RBM20: variants seen among roughly 807,000 people sequenced by gnomAD.
The protein encoded by RBM20 is RNA-binding protein 20.
Under a neutral mutation model 110.1 loss-of-function variants are expected in RBM20, and 51 were observed. The ratio of observed to expected loss-of-function variants is 0.46; its 90% confidence interval spans 0.37 to 0.59. The LOEUF (loss-of-function observed/expected upper bound fraction) is 0.59. Among genes scored for constraint, RBM20 ranks in the 20% least tolerant of loss-of-function variants. The pLI, the probability that RBM20 is intolerant of heterozygous loss-of-function variation, is 0.00. For missense variants in RBM20, 1,512 were observed against 1,574.9 expected (o/e 0.96, Z 0.68); for synonymous variants, 589 against 618.2 (o/e 0.95, Z 0.70).
chr10:110,663,997 A>G (rs1268167808), intron 1 of RBM20, among the ~76,000 whole-genome samples: 1 of 152,228 alleles, frequency 6.6e-6, no homozygotes, highest in Non-Finnish European at 1.5e-5. Context: ...TACCATCAAG[A>G]TATTAAATGA....
Position 110,821,596 on chromosome 10 carries a change from A to G in RBM20, c.2977A>G (p.Ser993Gly). Reference sequence around the variant, plus strand: ...GCCCTCTGCTTCCACAAGCTGTCCCAGTGACATGGACGTGGAAATGCCTGG... The same window carrying G: ...GCCCTCTGCTTCCACAAGCTGTCCCGGTGACATGGACGTGGAAATGCCTGG... ...ELPSASTSCPSDMDVEMPGLN... is the reference protein window; with the variant it reads ...ELPSASTSCPGDMDVEMPGLN... The change falls in exon 11 of 14, where the codon AGT becomes GGT. Residue 993 changes from serine (S) to glycine (G), a missense_variant. Physicochemically the swap from Ser to Gly is moderately conservative, Grantham distance 56 (BLOSUM62 0). This residue lies in a region of RBM20 where 358 missense variants were observed against 384.2 expected (regional missense o/e 0.93). Transcript: ENST00000369519. The G allele has an allele frequency of 6.4e-7, 1 of 1,551,254 alleles. No homozygotes were observed. Among genetic ancestry groups the G allele is most frequent in the Non-Finnish European group, 8.7e-7 (1 of 1,146,424 alleles).
At chr10:110,664,554 C>CT (rs1216700974) in intron 1 of RBM20, among the ~76,000 whole-genome samples, 1 of 152,038 alleles carries the variant, frequency 6.6e-6, no homozygotes, top group Non-Finnish European at 1.5e-5. Context: ...TGAGACCAGC[C>CT]TGACCAACGT....
chr10:110,716,719 C>G (rs1212153300), intron 1 of RBM20, among the ~76,000 whole-genome samples: 1 of 151,918 alleles, frequency 6.6e-6, no homozygotes, highest in Admixed American at 6.6e-5. Context: ...CAAGATCATC[C>G]TGGCTAACAA....
intron 1 of RBM20, among the ~76,000 whole-genome samples, chr10:110,678,570 G>A (rs1862376155): frequency 6.6e-6 from 1 of 152,308 alleles, no homozygotes; most frequent in Admixed American, 6.5e-5. Context: ...TCTTGAGTGT[G>A]CAAGGCCGGG....
At chr10:110,775,832 A>G (rs1844255574) in intron 1 of RBM20, among the ~76,000 whole-genome samples, 1 of 152,200 alleles carries the variant, frequency 6.6e-6, no homozygotes, top group Admixed American at 6.5e-5. Flanking sequence ...AAGGAAATGC[A>G]TTGCTTCATG....
chr10:110,774,057 C>T (rs1844229733), intron 1 of RBM20, among the ~76,000 whole-genome samples: 1 of 152,158 alleles, frequency 6.6e-6, no homozygotes, highest in Admixed American at 6.5e-5. Context: ...AGTTTAAAAA[C>T]CCTCCTTCAA....
At chr10:110,671,682 C>A (rs1474452709) in intron 1 of RBM20, among the ~76,000 whole-genome samples, 1 of 151,960 alleles carries the variant, frequency 6.6e-6, no homozygotes, top group Non-Finnish European at 1.5e-5. Context: ...ACCTCTCCAG[C>A]TCAAGATTTT....
Position 110,835,986 on chromosome 10 carries a change from G to C in RBM20, c.*8G>C. 9.9e-7 allele frequency: 1 copy of C among 1,009,032 alleles called. No homozygotes were observed. The highest frequency in any genetic ancestry group is 1.5e-6 in the Non-Finnish European group (1 of 668,406). 62.5% of individuals were successfully genotyped at this position (1,009,032 alleles called of 1,614,324 possible). Reference sequence around the variant, plus strand: ...GAAAGGAAAAAGCTCTGATGCTTCTGCTTCTGCTGCTACTGCTGCTGCTGC... The same window carrying C: ...GAAAGGAAAAAGCTCTGATGCTTCTCCTTCTGCTGCTACTGCTGCTGCTGC... On this transcript the variant is annotated 3_prime_UTR_variant, in exon 14 of 14. Transcript: ENST00000369519.
chr10:110,649,545 C>T (rs1003990069), intron 1 of RBM20, among the ~76,000 whole-genome samples: 4 of 152,154 alleles, frequency 2.6e-5, no homozygotes, highest in African/African-American at 9.7e-5. Context: ...GTCCTGGTCT[C>T]CCTGCCAGAC....
intron 7 of RBM20, among the ~76,000 whole-genome samples, chr10:110,809,190 C>G (rs1019748375): frequency 2.0e-5 from 2 of 99,550 alleles, no homozygotes; most frequent in Non-Finnish European, 4.1e-5. Flanking sequence ...GCATTCCAGC[C>G]TGAGTGACAG....
intron 1 of RBM20, among the ~76,000 whole-genome samples, chr10:110,745,902 G>A (rs1318318429): frequency 2.0e-5 from 3 of 152,178 alleles, no homozygotes; most frequent in African/African-American, 7.2e-5. Flanking sequence ...TAAACCTTAA[G>A]CTTGTCCACA....
In RBM20 at chr10:110,812,785, C is replaced by G. The variant is rs1057522796; in HGVS notation, c.2388C>G (p.Pro796=). The G allele has an allele frequency of 2.2e-5, 34 of 1,551,444 alleles. No individual in the cohort carries two copies. Among genetic ancestry groups the G allele is most frequent in the Non-Finnish European group, 2.7e-5 (31 of 1,146,878 alleles). ...DEARLRESRH[P]HPDDSGKEDG... is the part of the protein sequence containing the mutation. ...CCAGGCTGCGGGAAAGCAGACACCCCCATCCGGATGACTCAGGCAAGGAAG... is the reference window on the plus strand; with the variant it reads ...CCAGGCTGCGGGAAAGCAGACACCCGCATCCGGATGACTCAGGCAAGGAAG... Residue 796 remains proline (P), a synonymous_variant, in exon 9 of 14, where the codon CCC becomes CCG. Transcript: ENST00000369519.
At chr10:110,643,734 C>A (rs925357863), upstream of RBM20, among the ~76,000 whole-genome samples, 1 of 152,214 alleles carries the variant, frequency 6.6e-6, no homozygotes, top group African/African-American at 2.4e-5. Context: ...ATTTGGAGAG[C>A]CCCGGGGATG....
chr10:110,750,759 T>C (rs528048855), intron 1 of RBM20, among the ~76,000 whole-genome samples: 1 of 152,328 alleles, frequency 6.6e-6, no homozygotes, highest in East Asian at 1.9e-4. Context: ...GACATCAGTG[T>C]ACCTGCTTAA....
chr10:110,722,141 C>T (rs1193282076), intron 1 of RBM20, among the ~76,000 whole-genome samples: 2 of 152,170 alleles, frequency 1.3e-5, no homozygotes, highest in Non-Finnish European at 2.9e-5. Context: ...AACTTCCTGA[C>T]TCTTGGTTGC....
chr10:110,647,543 C>T (rs1407481459), intron 1 of RBM20, among the ~76,000 whole-genome samples: 1 of 151,902 alleles, frequency 6.6e-6, no homozygotes, highest in Non-Finnish European at 1.5e-5. Context: ...ACGATTTAGG[C>T]TATTTAGGAA....
intron 7 of RBM20, among the ~76,000 whole-genome samples, chr10:110,803,904 C>T (rs1023728800): frequency 6.8e-6 from 1 of 146,948 alleles, no homozygotes; most frequent in Admixed American, 6.9e-5. Flanking sequence ...CGGCTGGATT[C>T]AGGACCCAGA....
chr10:110,722,959 TAA>T (rs1052510910), intron 1 of RBM20, among the ~76,000 whole-genome samples: 81 of 151,942 alleles, frequency 5.3e-4, no homozygotes, highest in Admixed American at 1.4e-3. Context: ...TAAAAATATA[TAA>T]ATTAGCCGGG....
Position 110,823,417 on chromosome 10 carries a change from G to A in RBM20, c.3317-63G>A, listed in dbSNP as rs1419112778. ...GCATAGAATTTCAGGGACTCTTTGA[G>A]GCATGTTGTATTTCTTTTTTTTTTT... On this transcript the variant is annotated intron_variant, in intron 11 of 13. Transcript: ENST00000369519. 1.7e-5 allele frequency: 26 copies of A among 1,496,534 alleles called. No individual in the cohort carries two copies. In the Middle Eastern group the frequency reaches 5.3e-4, roughly 30 times the overall value. 92.7% of individuals were successfully genotyped at this position (1,496,534 alleles called of 1,614,324 possible).
Sources: allele counts gnomAD v4.1 joint callset (sites outside exome capture counted in the v4.1 genomes callset), GRCh38; gene constraint gnomAD v4.1.1; regional missense constraint gnomAD v4.1.1; transcripts MANE v1.5; gene names NCBI Gene and HGNC (gene_info 2026-07-23, HGNC 2026-07-21).